The following PRKCA variants were observed in gnomAD, a reference collection of about 807,000 sequenced individuals.
PRKCA encodes the protein protein kinase C alpha type.
Under a neutral mutation model 87.0 loss-of-function variants are expected in PRKCA, and 27 were observed. The ratio of observed to expected loss-of-function variants is 0.31; its 90% CI spans 0.23 to 0.43. The LOEUF is 0.43. Among genes scored for constraint, PRKCA ranks in the 20% least tolerant of loss-of-function variants. PRKCA has a pLI of 1.00. For synonymous variants in PRKCA, 329 were observed against 311.1 expected (o/e 1.06, Z -0.61); for missense variants, 518 against 852.3 (o/e 0.61, Z 4.88).
Position 66,431,485 on chromosome 17 carries a change from T to C in PRKCA, c.206-64716T>C, listed in dbSNP as rs145516335. On this transcript the variant is annotated intron_variant, in intron 2 of 16. Transcript: ENST00000413366. ...TTCATTTGTCTGCAGGACAAATAAT[T>C]TGAGTTTCATTTCTTCCTGTGGCTC... Among the ~76,000 whole-genome samples, 53 of 152,314 alleles carry C rather than the reference T, an allele frequency of 3.5e-4. 1 individual carries two copies. The East Asian group carries it at 0.01, about 29-fold the overall frequency.
At position 66,803,460 on chromosome 17, in the gene PRKCA, C is replaced by T. The variant is rs4790903; in HGVS notation, c.1855-413C>T. Reference sequence around the variant, plus strand: ...GATGTGGGGCAGTAACTCACCCCGTCGCTTGGTCCAGGGGTAACTGCCTGC... The same window carrying T: ...GATGTGGGGCAGTAACTCACCCCGTTGCTTGGTCCAGGGGTAACTGCCTGC... On this transcript the variant is annotated intron_variant, in intron 16 of 16. Coordinates refer to ENST00000413366, the MANE Select transcript of PRKCA (RefSeq NM_002737.3). This position sits in a 1 kb window ranked among gnomAD's most constrained non-coding sequence, Gnocchi z 4.4. 0.06 allele frequency among the ~76,000 whole-genome samples: 9,179 copies of T among 152,302 alleles called. 537 individuals are homozygous for T. The highest frequency in any genetic ancestry group is 0.15 in the African/African-American group (6,154 of 41,562).
chr17:66,791,600 C>G (rs541188919), intron 16 of PRKCA, among the ~76,000 whole-genome samples: 9 of 152,182 alleles, frequency 5.9e-5, no homozygotes, highest in Admixed American at 5.9e-4. Flanking sequence ...GTCCTTGCCC[C>G]GTGCCAGGCA....
Position 66,810,254 on chromosome 17 carries a change from TATC to T in PRKCA, c.*6220_*6222del, listed in dbSNP as rs1175043401. On this transcript the variant is annotated 3_prime_UTR_variant, in exon 17 of 17. Transcript: ENST00000413366. ...TTTGTTGATATTCTTCCTGGAAGAATATCATTCTTTTCTTGAAGGGTTGGTTTA... is the reference window on the plus strand; with the variant it reads ...TTTGTTGATATTCTTCCTGGAAGAATATTCTTTTCTTGAAGGGTTGGTTTA... 1 of 152,236 alleles carries T rather than the reference TATC, an allele frequency of 6.6e-6. No individual in the cohort carries two copies. The highest frequency in any genetic ancestry group is 2.4e-5 in the African/African-American group (1 of 41,458). The allele number at this position is 152,236 out of a possible 1,614,324, so 9.4% of individuals were successfully genotyped here.
At chr17:66,334,449 A>G (rs952522976) in intron 2 of PRKCA, among the ~76,000 whole-genome samples, 2 of 152,142 alleles carry the variant, frequency 1.3e-5, no homozygotes, top group East Asian at 1.9e-4. Flanking sequence ...TGATAACTCA[A>G]TTTAAAAATG....
intron 14 of PRKCA, among the ~76,000 whole-genome samples, chr17:66,784,775 T>A (rs1026531545): frequency 2.6e-5 from 4 of 152,146 alleles, no homozygotes; most frequent in Admixed American, 6.5e-5. Context: ...CCCTGCCCTC[T>A]ACAGATGAAA....
chr17:66,700,651 A>G (rs1205981139), intron 8 of PRKCA, among the ~76,000 whole-genome samples: 1 of 152,260 alleles, frequency 6.6e-6, no homozygotes, highest in African/African-American at 2.4e-5. Flanking sequence ...TCTCTATGCT[A>G]ACAATGAACT....
At chr17:66,408,869 C>A (rs960552229) in intron 2 of PRKCA, among the ~76,000 whole-genome samples, 1 of 151,460 alleles carries the variant, frequency 6.6e-6, no homozygotes, top group Non-Finnish European at 1.5e-5. Flanking sequence ...CTGGCCAACA[C>A]GATGAAACCC....
At chr17:66,740,920 G>A (rs1166985883) in intron 11 of PRKCA, among the ~76,000 whole-genome samples, 1 of 152,146 alleles carries the variant, frequency 6.6e-6, no homozygotes, top group East Asian at 1.9e-4. Flanking sequence ...CTCGTTAAGG[G>A]TTTGGTCTTG....
Position 66,302,672 on chromosome 17 carries a change from G to A in PRKCA, c.-180G>A. The stretch of plus-strand genomic sequence containing the variant: ...GCTCCGGCTCCCGCTCCCGCTCCGC[G>A]CAGCACCAGCCCGACTCTCCCCGGC... On this transcript the variant is annotated 5_prime_UTR_variant, in exon 1 of 17. Coordinates refer to ENST00000413366, the MANE Select transcript of PRKCA (RefSeq NM_002737.3). 4.8e-6 allele frequency: 1 copy of A among 210,404 alleles called. No individual in the cohort carries two copies. The highest frequency in any genetic ancestry group is 8.1e-6 in the Non-Finnish European group (1 of 123,748). 13.0% of individuals were successfully genotyped at this position (210,404 alleles called of 1,614,324 possible).
chr17:66,384,641 T>A (rs1226515148), intron 2 of PRKCA, among the ~76,000 whole-genome samples: 1 of 152,214 alleles, frequency 6.6e-6, no homozygotes, highest in Non-Finnish European at 1.5e-5. Flanking sequence ...TGACTTTTTT[T>A]TTTTTGAGAC....
intron 1 of PRKCA, 131 bp downstream of exon 1, chr17:66,303,155 C>A: frequency 7.9e-7 from 1 of 1,263,278 alleles, no homozygotes. Flanking sequence ...CCGAACTCTT[C>A]GCCCGGAGTG....
At chr17:66,312,377 A>G (rs1905126587) in intron 2 of PRKCA, among the ~76,000 whole-genome samples, 1 of 152,220 alleles carries the variant, frequency 6.6e-6, no homozygotes, top group African/African-American at 2.4e-5. Flanking sequence ...TTTTAGACAC[A>G]TTAACTCCTC....
At chr17:66,361,426 C>T (rs1319779692) in intron 2 of PRKCA, among the ~76,000 whole-genome samples, 4 of 152,000 alleles carry the variant, frequency 2.6e-5, no homozygotes, top group African/African-American at 9.7e-5. Context: ...ATTCTCCTGC[C>T]TCAGTCTCTC....
intron 3 of PRKCA, among the ~76,000 whole-genome samples, chr17:66,513,569 C>T (rs1175587266): frequency 6.6e-6 from 1 of 152,112 alleles, no homozygotes; most frequent in East Asian, 1.9e-4. Context: ...TAATAGGATC[C>T]TAACCTTGAA....
chr17:66,492,945 T>C (rs1404965843), intron 2 of PRKCA, among the ~76,000 whole-genome samples: 1 of 152,226 alleles, frequency 6.6e-6, no homozygotes, highest in African/African-American at 2.4e-5. Context: ...GTGGCCAGCG[T>C]GCTGGGCAGC....
intron 8 of PRKCA, among the ~76,000 whole-genome samples, chr17:66,691,844 G>A (rs1482751552): frequency 1.3e-5 from 2 of 152,272 alleles, no homozygotes; most frequent in African/African-American, 4.8e-5. Flanking sequence ...TAATGTCTGA[G>A]ACTTAGCTTT....
At chr17:66,787,141 C>T (rs1278672722) in intron 15 of PRKCA, 167 bp downstream of exon 15, 6 of 777,752 alleles carry the variant, frequency 7.7e-6, no homozygotes, top group Non-Finnish European at 1.2e-5. Context: ...TAACCAGCAC[C>T]CCAACTTTGG....
At chr17:66,699,067 C>T (rs1288226150) in intron 8 of PRKCA, among the ~76,000 whole-genome samples, 1 of 133,110 alleles carries the variant, frequency 7.5e-6, no homozygotes. Context: ...GGCACAGTAG[C>T]ATGTGCCTGT....
At chr17:66,309,003 C>T (rs1904962152) in intron 2 of PRKCA, among the ~76,000 whole-genome samples, 1 of 152,108 alleles carries the variant, frequency 6.6e-6, no homozygotes, top group Non-Finnish European at 1.5e-5. Context: ...GAGTTTGAAA[C>T]TGCTTTTTGT....
Sources: allele counts gnomAD v4.1 joint callset (sites outside exome capture counted in the v4.1 genomes callset), GRCh38; gene constraint gnomAD v4.1.1; non-coding constraint Gnocchi (gnomAD v3.1); transcripts MANE v1.5; gene names NCBI Gene and HGNC (gene_info 2026-07-23, HGNC 2026-07-21).